OLAH: variants seen among roughly 807,000 people sequenced by gnomAD.
The protein encoded by OLAH is S-acyl fatty acid synthase thioesterase, medium chain.
A neutral mutation model predicts 27.8 loss-of-function variants in OLAH; 33 were observed. The observed-to-expected ratio is 1.19, with a 90% CI of 0.90 to 1.59. The LOEUF (loss-of-function observed/expected upper bound fraction) is 1.59. Ranked by LOEUF, OLAH falls within the 40% of genes most tolerant of loss-of-function variation. OLAH has a pLI of 0.00. For missense variants in OLAH, 359 were observed against 310.8 expected, an observed-to-expected ratio of 1.16 and a Z score of -1.17; for synonymous variants, 120 against 102.9, an observed-to-expected ratio of 1.17 and a Z score of -1.01.
upstream of OLAH, among the ~76,000 whole-genome samples, chr10:15,042,895 C>G (rs996000555): frequency 5.2e-4 from 64 of 122,382 alleles, 1 homozygote; most frequent in Admixed American, 4.4e-4. Flanking sequence ...GAGTCTCGCT[C>G]TGTCGCCCAG....
chr10:15,067,959 T>G (rs1055622835), intron 6 of OLAH: 3 of 152,266 alleles, frequency 2.0e-5, no homozygotes, highest in Admixed American at 6.5e-5. Flanking sequence ...TCTGGGATCC[T>G]GATGCCACAT....
At chr10:15,063,034 C>T (rs1431270604) in intron 4 of OLAH, among the ~76,000 whole-genome samples, 1 of 152,150 alleles carries the variant, frequency 6.6e-6, no homozygotes, top group Non-Finnish European at 1.5e-5. Context: ...CTGTGGCACC[C>T]AGCCCAATGA....
intron 1 of OLAH, among the ~76,000 whole-genome samples, chr10:15,044,478 A>G (rs1421346708): frequency 6.6e-6 from 1 of 151,568 alleles, no homozygotes; most frequent in Non-Finnish European, 1.5e-5. Context: ...ATTTTGAGAT[A>G]GAGTTTTTCC....
At chr10:15,050,595 G>T in intron 3 of OLAH, among the ~76,000 whole-genome samples, 2 of 139,082 alleles carry the variant, frequency 1.4e-5, no homozygotes, top group Non-Finnish European at 3.0e-5. Flanking sequence ...AGGCTGGAGT[G>T]CAGTAGCTTG....
upstream of OLAH, among the ~76,000 whole-genome samples, chr10:15,042,849 C>CTTTTTTTTT (rs67828197): frequency 9.9e-5 from 6 of 60,626 alleles, no homozygotes; most frequent in East Asian, 6.4e-4. Context: ...ACCCACGTGT[C>CTTTTTTTTT]TTTTTTTTTT....
At chr10:15,042,402 C>T (rs1843935538), upstream of OLAH, among the ~76,000 whole-genome samples, 1 of 152,160 alleles carries the variant, frequency 6.6e-6, no homozygotes, top group Non-Finnish European at 1.5e-5. Flanking sequence ...ATCCACCTGT[C>T]TTGGCCTCCT....
intron 1 of OLAH, among the ~76,000 whole-genome samples, chr10:15,037,154 A>G (rs1197563492): frequency 6.6e-6 from 1 of 151,086 alleles, no homozygotes; most frequent in Admixed American, 6.6e-5. Flanking sequence ...TGCACATAAC[A>G]TTAAAAAAAA....
At chr10:15,066,949 T>C (rs994369153) in intron 6 of OLAH, among the ~76,000 whole-genome samples, 1 of 152,122 alleles carries the variant, frequency 6.6e-6, no homozygotes, top group Non-Finnish European at 1.5e-5. Flanking sequence ...AAGGACTAAG[T>C]TTTTGAGATC....
intron 3 of OLAH, chr10:15,056,867 G>A (rs1316219915): frequency 1.3e-6 from 2 of 1,527,588 alleles, no homozygotes; most frequent in East Asian, 2.6e-5. Flanking sequence ...TCAAACTCCG[G>A]CGCTCAAGTG....
chr10:15,033,199 T>C (rs904638820), intron 1 of OLAH, among the ~76,000 whole-genome samples: 1 of 152,166 alleles, frequency 6.6e-6, no homozygotes, highest in African/African-American at 2.4e-5. Flanking sequence ...TTAACTCATG[T>C]AGCAATTTTA....
At chr10:15,052,689 T>G (rs1165445132) in intron 3 of OLAH, among the ~76,000 whole-genome samples, 1 of 152,140 alleles carries the variant, frequency 6.6e-6, no homozygotes, top group Non-Finnish European at 1.5e-5. Context: ...CTGATTTGCT[T>G]CTTTTATAAA....
At chr10:15,061,486 T>C (rs1844361822) in intron 3 of OLAH, among the ~76,000 whole-genome samples, 2 of 152,142 alleles carry the variant, frequency 1.3e-5, no homozygotes, top group African/African-American at 2.4e-5. Flanking sequence ...CTTTGTTTTT[T>C]TTTTTCTTTT....
chr10:15,073,017 A>C, intron 7 of OLAH, 70 bp from the exon 8 acceptor site: 1 of 1,452,886 alleles, frequency 6.9e-7, no homozygotes, highest in East Asian at 2.3e-5. Context: ...CTCTTAAAGA[A>C]ATGATGTCTT....
upstream of OLAH, among the ~76,000 whole-genome samples, chr10:15,039,784 A>C (rs1452911499): frequency 6.6e-6 from 1 of 152,194 alleles, no homozygotes; most frequent in Non-Finnish European, 1.5e-5. Flanking sequence ...GTCAGTTTGG[A>C]AGACAAGGCC....
chr10:15,042,266 C>T (rs3763782), upstream of OLAH, among the ~76,000 whole-genome samples: 19,215 of 152,038 alleles, frequency 0.13, 1,340 homozygotes, highest in South Asian at 0.26. Flanking sequence ...ATTCTCCTGC[C>T]TCAGCCTCCC....
In OLAH at chr10:15,051,842, C is replaced by A. The variant is rs886804179; in HGVS notation, c.163+2077C>A. ...AAGGATGGTGAGCTTTTTCTGTAAA[C>A]GGCCCAATAGTAAATATTTGCACAT... On this transcript the variant is annotated intron_variant, in intron 3 of 7. Coordinates refer to ENST00000378228, the MANE Select transcript of OLAH (RefSeq NM_001039702.3). Among the ~76,000 whole-genome samples the A allele has an allele frequency of 2.6e-5, 4 of 152,256 alleles. No homozygotes were observed. The South Asian group carries it at 8.3e-4, about 32-fold the overall frequency.
chr10:15,043,124 T>G (rs1286928636), upstream of OLAH, among the ~76,000 whole-genome samples: 1 of 152,122 alleles, frequency 6.6e-6, no homozygotes, highest in Admixed American at 6.6e-5. Context: ...CCTCCCAAAG[T>G]GCTGGGATTA....
At chr10:15,071,709 C>A in intron 6 of OLAH, 86 bp from the exon 7 acceptor site, 1 of 1,464,158 alleles carries the variant, frequency 6.8e-7, no homozygotes, top group Non-Finnish European at 9.4e-7. Flanking sequence ...GTGAACCCAC[C>A]CCAAGTTTCA....
At chr10:15,071,225 T>A (rs1288340278) in intron 6 of OLAH, among the ~76,000 whole-genome samples, 1 of 152,070 alleles carries the variant, frequency 6.6e-6, no homozygotes, top group Admixed American at 6.6e-5. Flanking sequence ...ACCTCCTCCC[T>A]CCTGCCAACA....
Sources: allele counts gnomAD v4.1 joint callset (sites outside exome capture counted in the v4.1 genomes callset), GRCh38; gene constraint gnomAD v4.1.1; transcripts MANE v1.5; gene names NCBI Gene and HGNC (gene_info 2026-07-23, HGNC 2026-07-21).